Variants in ASAP1 observed in about 807,000 individuals in gnomAD.
ASAP1 encodes arf-GAP with SH3 domain, ANK repeat and PH domain-containing protein 1.
A neutral mutation model predicts 145.2 loss-of-function variants in ASAP1; 43 were observed. The ratio of observed to expected loss-of-function variants is 0.30; its 90% CI spans 0.23 to 0.38. The LOEUF (loss-of-function observed/expected upper bound fraction) is 0.38. Ranked by LOEUF, ASAP1 falls within the 10% of genes least tolerant of loss-of-function variation. ASAP1 has a pLI of 1.00. For missense variants in ASAP1, 1,018 were observed against 1,355.3 expected, an observed-to-expected ratio of 0.75 and a Z score of 3.91; for synonymous variants, 546 against 515.5, an observed-to-expected ratio of 1.06 and a Z score of -0.80.
chr8:130,372,554 C>A (rs1827259198), intron 2 of ASAP1, among the ~76,000 whole-genome samples: 1 of 152,212 alleles, frequency 6.6e-6, no homozygotes, highest in Non-Finnish European at 1.5e-5. Flanking sequence ...TAAAGAGTGG[C>A]TTTTCTTTGG....
intron 27 of ASAP1, among the ~76,000 whole-genome samples, chr8:130,061,683 T>C (rs2097419997): frequency 6.6e-6 from 1 of 152,200 alleles, no homozygotes; most frequent in Admixed American, 6.5e-5. Flanking sequence ...CTGTTACATT[T>C]TGGTGATACA....
chr8:130,178,821 G>A (rs370740218), intron 9 of ASAP1, among the ~76,000 whole-genome samples: 11 of 152,162 alleles, frequency 7.2e-5, no homozygotes, highest in Admixed American at 5.9e-4. Context: ...CCCAGGAGGC[G>A]GAGATTAGAG....
chr8:130,083,381 T>C (rs1376666843), intron 25 of ASAP1: 1 of 152,224 alleles, frequency 6.6e-6, no homozygotes, highest in Non-Finnish European at 1.5e-5. Flanking sequence ...TTAGAGTCAC[T>C]TTCTGAGAAT....
intron 3 of ASAP1, among the ~76,000 whole-genome samples, chr8:130,261,651 G>T (rs1819905769): frequency 6.6e-6 from 1 of 152,174 alleles, no homozygotes; most frequent in African/African-American, 2.4e-5. Flanking sequence ...AACTCCTCAG[G>T]TGGAAGTACC....
chr8:130,078,170 C>T (rs992893115), intron 26 of ASAP1, among the ~76,000 whole-genome samples: 2 of 151,866 alleles, frequency 1.3e-5, no homozygotes, highest in African/African-American at 4.8e-5. Flanking sequence ...TTGTATTTTT[C>T]GTACAGACGG....
At chr8:130,281,692 G>T (rs1324311737) in intron 3 of ASAP1, among the ~76,000 whole-genome samples, 1 of 152,154 alleles carries the variant, frequency 6.6e-6, no homozygotes, top group African/African-American at 2.4e-5. Context: ...ACACAATCAT[G>T]GCATGTGAAC....
intron 3 of ASAP1, among the ~76,000 whole-genome samples, chr8:130,319,105 T>C (rs1823846687): frequency 6.6e-6 from 1 of 152,348 alleles, no homozygotes; most frequent in East Asian, 1.9e-4. Flanking sequence ...TCTGTAGCAA[T>C]TACTGTGGTT....
intron 25 of ASAP1, among the ~76,000 whole-genome samples, chr8:130,089,834 T>G (rs2097501779): frequency 1.3e-5 from 2 of 152,154 alleles, no homozygotes; most frequent in South Asian, 4.1e-4. Context: ...AAAATCAAAA[T>G]TTAAAAAAAA....
chr8:130,237,097 A>C, intron 3 of ASAP1, 103 bp from the exon 4 acceptor site: 2 of 798,850 alleles, frequency 2.5e-6, no homozygotes, highest in Non-Finnish European at 3.8e-6. Context: ...TGAGTACCAA[A>C]GCAACAGCAA....
intron 25 of ASAP1, among the ~76,000 whole-genome samples, chr8:130,081,598 C>G (rs2097480644): frequency 6.9e-6 from 1 of 144,270 alleles, no homozygotes; most frequent in Non-Finnish European, 1.5e-5. Context: ...TGAAAAAAAA[C>G]TAACTGATCC....
chr8:130,211,665 T>G (rs569742086), intron 5 of ASAP1, among the ~76,000 whole-genome samples: 3 of 152,350 alleles, frequency 2.0e-5, no homozygotes, highest in African/African-American at 7.2e-5. Context: ...TAAAAATAAG[T>G]AATGATTTAG....
intron 2 of ASAP1, among the ~76,000 whole-genome samples, chr8:130,400,431 C>G (rs1333751024): frequency 6.6e-6 from 1 of 152,028 alleles, no homozygotes; most frequent in East Asian, 1.9e-4. Context: ...CCTCAGTATT[C>G]CCAGCTGCAA....
intron 5 of ASAP1, among the ~76,000 whole-genome samples, chr8:130,199,871 C>G (rs1254928938): frequency 6.6e-6 from 1 of 152,128 alleles, no homozygotes; most frequent in Non-Finnish European, 1.5e-5. Context: ...GTGGTAAAGC[C>G]GGAGAGTTAG....
intron 25 of ASAP1, among the ~76,000 whole-genome samples, chr8:130,085,569 T>C (rs2097490830): frequency 6.6e-6 from 1 of 151,560 alleles, no homozygotes; most frequent in Admixed American, 6.6e-5. Flanking sequence ...ACCTTGTCTC[T>C]ACAAAAATTA....
At chr8:130,144,390 A>C (rs1295042038) in intron 13 of ASAP1, among the ~76,000 whole-genome samples, 1 of 152,204 alleles carries the variant, frequency 6.6e-6, no homozygotes, top group South Asian at 2.1e-4. Flanking sequence ...ACTGTTCCCA[A>C]ACCCATTTCA....
At chr8:130,116,563 A>C in intron 22 of ASAP1, 115 bp downstream of exon 22, 1 of 870,882 alleles carries the variant, frequency 1.1e-6, no homozygotes. Flanking sequence ...GATTTTCTTT[A>C]GCAAGTGTTA....
At chr8:130,107,759 G>A (rs1001874035) in intron 24 of ASAP1, among the ~76,000 whole-genome samples, 13 of 151,930 alleles carry the variant, frequency 8.6e-5, no homozygotes, top group Admixed American at 7.2e-4. Context: ...ATATTGGCCA[G>A]GCTGGTCTCG....
chr8:130,131,193 A>AAACAAAC (rs1564995811), intron 15 of ASAP1, among the ~76,000 whole-genome samples: 3 of 138,140 alleles, frequency 2.2e-5, no homozygotes, highest in Non-Finnish European at 4.8e-5. Context: ...AACAAACAAA[A>AAACAAAC]AAGCCACTAG....
At chr8:130,106,998 T>C (rs1564964978) in intron 24 of ASAP1, among the ~76,000 whole-genome samples, 1 of 152,206 alleles carries the variant, frequency 6.6e-6, no homozygotes, top group Non-Finnish European at 1.5e-5. Flanking sequence ...ATTTACTGAA[T>C]GCTCACTACG....
Sources: allele counts gnomAD v4.1 joint callset (sites outside exome capture counted in the v4.1 genomes callset), GRCh38; gene constraint gnomAD v4.1.1; transcripts MANE v1.5; gene names NCBI Gene and HGNC (gene_info 2026-07-23, HGNC 2026-07-21).